The following DCC variants were observed in gnomAD, a reference collection of about 807,000 sequenced individuals.
DCC encodes DCC netrin 1 receptor.
Under a neutral mutation model 172.5 loss-of-function variants are expected in DCC, and 58 were observed. The ratio of observed to expected loss-of-function variants is 0.34; its 90% confidence interval spans 0.27 to 0.42. The LOEUF (loss-of-function observed/expected upper bound fraction) is 0.42. Among genes scored for constraint, DCC ranks in the 10% least tolerant of loss-of-function variants. DCC has a pLI of 1.00. For missense variants in DCC, 1,740 were observed against 1,791.0 expected (o/e 0.97, Z 0.51); for synonymous variants, 709 against 644.5 (o/e 1.10, Z -1.52).
At chr18:52,775,868 C>T (rs1254383288) in intron 2 of DCC, among the ~76,000 whole-genome samples, 2 of 152,194 alleles carry the variant, frequency 1.3e-5, no homozygotes, top group Non-Finnish European at 2.9e-5. Flanking sequence ...CACCTAGGTC[C>T]GTGAGGGTGG....
intron 9 of DCC, among the ~76,000 whole-genome samples, chr18:53,197,186 A>T (rs2055456915): frequency 6.6e-6 from 1 of 152,232 alleles, no homozygotes; most frequent in Admixed American, 6.5e-5. Context: ...TGCTGCTTAA[A>T]GGGAGAGAGC....
At chr18:53,039,040 C>A (rs2042133077) in intron 5 of DCC, among the ~76,000 whole-genome samples, 4 of 151,944 alleles carry the variant, frequency 2.6e-5, no homozygotes, top group Admixed American at 2.6e-4. Flanking sequence ...GGTCGCCAAA[C>A]CCAGGGAGCT....
intron 7 of DCC, among the ~76,000 whole-genome samples, chr18:53,082,641 A>G (rs944625386): frequency 1.4e-4 from 21 of 152,262 alleles, no homozygotes; most frequent in Non-Finnish European, 2.8e-4. Context: ...ATTAGTAACT[A>G]TGGGTATTTT....
At chr18:52,411,322 C>T (rs980061575) in intron 1 of DCC, among the ~76,000 whole-genome samples, 1 of 152,138 alleles carries the variant, frequency 6.6e-6, no homozygotes, top group Non-Finnish European at 1.5e-5. Context: ...TTCTTCAGCT[C>T]TTAGTTACTG....
intron 7 of DCC, among the ~76,000 whole-genome samples, chr18:53,134,109 C>T (rs2144328369): frequency 6.6e-6 from 1 of 152,242 alleles, no homozygotes; most frequent in Non-Finnish European, 1.5e-5. Context: ...TGAGGCTGTG[C>T]CTCTCTTTAG....
At chr18:52,413,156 A>G (rs1986898694) in intron 1 of DCC, among the ~76,000 whole-genome samples, 1 of 151,796 alleles carries the variant, frequency 6.6e-6, no homozygotes, top group South Asian at 2.1e-4. Flanking sequence ...CTGTTTTAAA[A>G]TAATATATCC....
chr18:52,690,328 T>A (rs1257042154), intron 1 of DCC, among the ~76,000 whole-genome samples: 1 of 152,142 alleles, frequency 6.6e-6, no homozygotes, highest in Non-Finnish European at 1.5e-5. Flanking sequence ...AAACACATAC[T>A]GTAAGAGGCA....
At chr18:53,377,352 T>TGAGAGAGA (rs59629030) in intron 15 of DCC, among the ~76,000 whole-genome samples, 1,581 of 137,298 alleles carry the variant, frequency 0.012, 35 homozygotes, top group East Asian at 0.068. Flanking sequence ...AAGATGCATT[T>TGAGAGAGA]GAGAGAGAGA....
intron 5 of DCC, among the ~76,000 whole-genome samples, chr18:52,947,478 T>C (rs1318009978): frequency 2.0e-5 from 3 of 152,266 alleles, no homozygotes; most frequent in African/African-American, 2.4e-5. Context: ...AGAGCTGATA[T>C]AGCAAGAACT....
At chr18:53,243,621 G>C (rs1362866794) in intron 12 of DCC, among the ~76,000 whole-genome samples, 2 of 152,112 alleles carry the variant, frequency 1.3e-5, no homozygotes, top group Admixed American at 6.6e-5. Context: ...TAATTTGCTG[G>C]CAGATTATGT....
intron 7 of DCC, among the ~76,000 whole-genome samples, chr18:53,139,613 A>C (rs189586484): frequency 6.6e-6 from 1 of 152,084 alleles, no homozygotes; most frequent in East Asian, 1.9e-4. Flanking sequence ...ATAAATTTTA[A>C]CTCAGTTGAC....
chr18:53,438,853 A>G (rs1912101421), intron 22 of DCC, among the ~76,000 whole-genome samples: 1 of 152,204 alleles, frequency 6.6e-6, no homozygotes. Context: ...ATTAAATTTG[A>G]CCTGGTACAC....
intron 2 of DCC, among the ~76,000 whole-genome samples, chr18:52,852,550 GTTTA>G (rs910561025): frequency 1.3e-5 from 2 of 151,516 alleles, no homozygotes; most frequent in Non-Finnish European, 2.9e-5. Context: ...AAAATGTTTT[GTTTA>G]TTTCTAGAGA....
intron 2 of DCC, among the ~76,000 whole-genome samples, chr18:52,799,824 T>C (rs545941583): frequency 2.6e-5 from 4 of 152,350 alleles, no homozygotes; most frequent in African/African-American, 9.6e-5. Flanking sequence ...AATATAATAA[T>C]AATGCCTATT....
chr18:53,030,175 G>A (rs148659249), intron 5 of DCC, among the ~76,000 whole-genome samples: 1 of 152,154 alleles, frequency 6.6e-6, no homozygotes, highest in Non-Finnish European at 1.5e-5. Flanking sequence ...AGGAAACTTA[G>A]GCTTTCAGCC....
At chr18:52,395,912 C>A (rs1307457189) in intron 1 of DCC, among the ~76,000 whole-genome samples, 1 of 151,968 alleles carries the variant, frequency 6.6e-6, no homozygotes, top group Non-Finnish European at 1.5e-5. Context: ...TGGCCTCTCA[C>A]AGAATAGGTA....
chr18:52,673,869 C>T (rs185752588), intron 1 of DCC, among the ~76,000 whole-genome samples: 280 of 152,246 alleles, frequency 1.8e-3, no homozygotes, highest in African/African-American at 5.8e-3. Flanking sequence ...GTTGGTAGTG[C>T]CTCCACTAGG....
chr18:52,779,531 A>C (rs1206822394), intron 2 of DCC, among the ~76,000 whole-genome samples: 2 of 152,000 alleles, frequency 1.3e-5, no homozygotes, highest in Non-Finnish European at 2.9e-5. Flanking sequence ...TATGTGTTGC[A>C]TTTTCTTTAT....
intron 14 of DCC, among the ~76,000 whole-genome samples, chr18:53,324,065 A>C (rs1173344360): frequency 6.6e-6 from 1 of 152,202 alleles, no homozygotes; most frequent in Non-Finnish European, 1.5e-5. Flanking sequence ...ATTAATTAGA[A>C]TTGCATTTTG....
Sources: gnomAD v4.1 joint callset for allele counts (sites outside exome capture counted in the v4.1 genomes callset) on GRCh38, gnomAD v4.1.1 for gene constraint, MANE v1.5 for transcripts, NCBI Gene and HGNC (gene_info 2026-07-23, HGNC 2026-07-21) for gene names.